ABCC6: variants seen among roughly 807,000 people sequenced by gnomAD.
ABCC6 encodes ATP-binding cassette sub-family C member 6.
In ABCC6, 126 loss-of-function variants were observed where a neutral mutation model predicts 169.5. That is an observed-to-expected ratio of 0.74 (90% confidence interval 0.64 to 0.86). The LOEUF (loss-of-function observed/expected upper bound fraction) is 0.86, where lower values mean the gene tolerates loss of function less well. ABCC6 is among the 40% of genes least tolerant of loss of function. The probability of loss-of-function intolerance (pLI) is 0.00; values close to 1 mark genes in which losing one functional copy is unlikely to be tolerated. For missense variants in ABCC6, 1,733 were observed against 1,927.2 expected (o/e 0.90, Z 1.89); for synonymous variants, 752 against 814.7 (o/e 0.92, Z 1.31).
chr16:16,188,026 G>T (rs1308212803), intron 13 of ABCC6, among the ~76,000 whole-genome samples: 1 of 151,880 alleles, frequency 6.6e-6, no homozygotes, highest in African/African-American at 2.4e-5. Context: ...GAGGTCGGGG[G>T]TTCAAGACCA....
rs1473161665 is a variant in ABCC6, at chr16:16,165,575, CT to C, written c.3306+47del. ...GTCTTCCCCAGAGACAGGGGACTGG[CT>C]GAGTTGACCTCAGCCGGTCCCGGAA... On this transcript the variant is annotated intron_variant, in intron 23 of 30. Coordinates refer to ENST00000205557, the MANE Select transcript of ABCC6 (RefSeq NM_001171.6). 3.7e-6 allele frequency: 6 copies of C among 1,605,534 alleles called. No individual in the cohort carries two copies. In the East Asian group the frequency reaches 1.3e-4, roughly 36 times the overall value.
At chr16:16,156,136 A>T (rs147094898) in intron 27 of ABCC6, among the ~76,000 whole-genome samples, 1,795 of 152,180 alleles carry the variant, frequency 0.012, 20 homozygotes, top group South Asian at 0.022. Context: ...GGCTGGTCTC[A>T]AACTTCTGGC....
chr16:16,177,919 G>T (rs1362929181), intron 18 of ABCC6, among the ~76,000 whole-genome samples: 1 of 151,078 alleles, frequency 6.6e-6, no homozygotes, highest in Non-Finnish European at 1.5e-5. Flanking sequence ...CTCCATCCTG[G>T]GTGACAGAGC....
At chr16:16,207,664 C>T (rs1270904005) in intron 7 of ABCC6, among the ~76,000 whole-genome samples, 1 of 152,194 alleles carries the variant, frequency 6.6e-6, no homozygotes, top group Non-Finnish European at 1.5e-5. Context: ...CTTTTTTGTT[C>T]TGTCTCCTAA....
chr16:16,173,386 A>G lies in ABCC6; in HGVS notation c.2685T>C (p.Pro895=), dbSNP rs760288790. 6.2e-7 allele frequency: 1 copy of G among 1,614,124 alleles called. No individual in the cohort carries two copies. Among genetic ancestry groups the G allele is most frequent in the Admixed American group, 1.7e-5 (1 of 60,022 alleles). Residue 895 remains proline, a synonymous_variant, in exon 21 of 31, where the codon CCT becomes CCC. Transcript: ENST00000205557. ...CTTCTGAAGTGGTACGGTCCTTCTC[A>G]GGGACTGACTTGATGGACCTGTCAT... ...LRRERSIKSV[P]EKDRTTSEAQ... is the part of the protein sequence containing the mutation.
chr16:16,198,072 C>A lies in ABCC6; in HGVS notation c.1287G>T (p.Gly429=). 2 of 1,614,122 alleles carry A rather than the reference C, an allele frequency of 1.2e-6. No homozygotes were observed. The highest frequency in any genetic ancestry group is 1.7e-6 in the Non-Finnish European group (2 of 1,180,028). ...RLTESVLYLN[G]LWLPLVWIVV... is the part of the protein sequence containing the mutation. Reference sequence around the variant, plus strand: ...CGATCCAGACGAGAGGCAGCCACAGCCCGTTGAGGTAGAGGACGCTCTCGG... The same window carrying A: ...CGATCCAGACGAGAGGCAGCCACAGACCGTTGAGGTAGAGGACGCTCTCGG... Residue 429 remains glycine (G), a synonymous_variant, in exon 10 of 31, where the codon GGG becomes GGT. Coordinates refer to ENST00000205557, the MANE Select transcript of ABCC6 (RefSeq NM_001171.6).
intron 2 of ABCC6, among the ~76,000 whole-genome samples, chr16:16,220,829 G>A (rs1596779030): frequency 1.3e-5 from 2 of 151,542 alleles, no homozygotes; most frequent in Admixed American, 6.6e-5. Context: ...CCCAGGAGGC[G>A]GAGGTTGCAG....
intron 27 of ABCC6, among the ~76,000 whole-genome samples, chr16:16,156,479 C>T (rs1214459760): frequency 2.6e-5 from 4 of 152,198 alleles, no homozygotes; most frequent in African/African-American, 9.7e-5. Flanking sequence ...AGCTGCTCCA[C>T]AATGTTGGCT....
At chr16:16,217,270 GT>G (rs1319326035) in intron 4 of ABCC6, among the ~76,000 whole-genome samples, 6 of 151,986 alleles carry the variant, frequency 3.9e-5, no homozygotes, top group Non-Finnish European at 5.9e-5. Context: ...AACTCCCACT[GT>G]TTTCCCCACT....
intron 20 of ABCC6, among the ~76,000 whole-genome samples, chr16:16,173,608 C>G (rs2047180012): frequency 6.6e-6 from 1 of 152,138 alleles, no homozygotes; most frequent in Non-Finnish European, 1.5e-5. Context: ...CATCTATTAC[C>G]CCAGGGTCAA....
rs763952084 is a variant in ABCC6, at chr16:16,182,600, C to T, written c.2071-12G>A. Reference sequence around the variant, plus strand: ...TAGGCCACAGCACCCTAAAACACAACTTACTTTGGTCACAGGAGGATGATG... The same window carrying T: ...TAGGCCACAGCACCCTAAAACACAATTTACTTTGGTCACAGGAGGATGATG... On this transcript the variant is annotated splice_polypyrimidine_tract_variant and intron_variant, in intron 16 of 30. Coordinates refer to ENST00000205557, the MANE Select transcript of ABCC6 (RefSeq NM_001171.6). 1.2e-5 allele frequency: 19 copies of T among 1,610,620 alleles called. 1 individual carries two copies. The South Asian group carries it at 2.1e-4, about 18-fold the overall frequency.
In ABCC6 at chr16:16,203,564, C is replaced by G. The variant is rs778756902; in HGVS notation, c.844G>C (p.Ala282Pro). Residue 282 changes from alanine to proline, a missense_variant, in exon 8 of 31, where the codon GCT (alanine) becomes CCT (proline). Physicochemically the swap from Ala to Pro is conservative, Grantham distance 27 (BLOSUM62 -1). This residue lies in a region of ABCC6 where 1,601 missense variants were observed against 1,635.5 expected (regional missense o/e 0.98). Coordinates refer to ENST00000205557, the MANE Select transcript of ABCC6 (RefSeq NM_001171.6). The part of the protein sequence containing the change: ...FKRKGGSGMK[A>P]PETEPFLRQE... ...CGTAGGAAGGGCTCGGTCTCTGGAGCCTTCATGCCACTGCCGCCTTTCCTT... is the reference window on the plus strand; with the variant it reads ...CGTAGGAAGGGCTCGGTCTCTGGAGGCTTCATGCCACTGCCGCCTTTCCTT... 4 of 1,613,916 alleles carry G rather than the reference C, an allele frequency of 2.5e-6. No individual in the cohort carries two copies. The African/African-American group carries it at 4.0e-5, about 16-fold the overall frequency.
At position 16,209,156 on chromosome 16, in the gene ABCC6, T is replaced by G. The variant is rs543632036; in HGVS notation, c.663-297A>C. Among the ~76,000 whole-genome samples the G allele has an allele frequency of 1.6e-4, 24 of 152,298 alleles. No homozygotes were observed. The East Asian group carries it at 4.4e-3, about 28-fold the overall frequency. On this transcript the variant is annotated intron_variant, in intron 6 of 30. Coordinates refer to ENST00000205557, the MANE Select transcript of ABCC6 (RefSeq NM_001171.6). Reference sequence around the variant, plus strand: ...TGGAGTGCAGTGGTGCAATCTCGGCTCACTGCAACCTCCACCTCCCAGGTT... The same window carrying G: ...TGGAGTGCAGTGGTGCAATCTCGGCGCACTGCAACCTCCACCTCCCAGGTT...
intron 18 of ABCC6, among the ~76,000 whole-genome samples, 177 bp downstream of exon 18, chr16:16,178,621 T>G (rs115516116): frequency 1.3e-5 from 2 of 152,128 alleles, no homozygotes; most frequent in African/African-American, 2.4e-5. Flanking sequence ...TGTTGTAAGC[T>G]GCTGGGATCT....
At chr16:16,192,606 C>T (rs2047898734) in intron 11 of ABCC6, among the ~76,000 whole-genome samples, 1 of 152,150 alleles carries the variant, frequency 6.6e-6, no homozygotes, top group South Asian at 2.1e-4. Context: ...AGGCATTGAA[C>T]TGACCCAGGG....
At chr16:16,222,594 G>A (rs572848501) in intron 1 of ABCC6, among the ~76,000 whole-genome samples, 2 of 151,916 alleles carry the variant, frequency 1.3e-5, no homozygotes, top group Non-Finnish European at 1.5e-5. Flanking sequence ...TCTCTATGCT[G>A]GTCTCGAACT....
In ABCC6 at chr16:16,169,495, C is replaced by T. The variant is rs148768881; in HGVS notation, c.2995+151G>A. 2.5e-3 allele frequency: 2,358 copies of T among 942,950 alleles called. 82 individuals are homozygous for T. The Admixed American group carries it at 0.045, about 18-fold the overall frequency. 58.4% of individuals were successfully genotyped at this position (942,950 alleles called of 1,614,324 possible). On this transcript the variant is annotated intron_variant, in intron 22 of 30. Transcript: ENST00000205557. ...TCCTTCCCGTTCCCTCCAGCCTCAT[C>T]TTAAGGACGCAGATCTTTGCCTGGA...
intron 14 of ABCC6, among the ~76,000 whole-genome samples, chr16:16,185,962 G>C (rs778143871): frequency 6.6e-6 from 1 of 152,192 alleles, no homozygotes; most frequent in Non-Finnish European, 1.5e-5. Flanking sequence ...ACAATTAGCT[G>C]CTATAACGAT....
chr16:16,219,665 C>T lies in ABCC6; in HGVS notation c.363G>A (p.Leu121=). Residue 121 remains leucine, a synonymous_variant, in exon 4 of 31, where the codon CTG becomes CTA. Coordinates refer to ENST00000205557, the MANE Select transcript of ABCC6 (RefSeq NM_001171.6). Reference sequence around the variant, plus strand: ...CTCCCTTTTTCCTCTCGGTGTGAATCAGGAACACTGCGAAGCTCTGGACGG... The same window carrying T: ...CTCCCTTTTTCCTCTCGGTGTGAATTAGGAACACTGCGAAGCTCTGGACGG... ...WLTTMSFAVF[L]IHTERKKGVQ... is the part of the protein sequence containing the mutation. The T allele has an allele frequency of 6.7e-7, 1 of 1,500,840 alleles. No individual in the cohort carries two copies. The highest frequency in any genetic ancestry group is 1.4e-5 in the African/African-American group (1 of 71,008). The allele number at this position is 1,500,840 out of a possible 1,614,324, so 93.0% of individuals were successfully genotyped here. A position where few individuals can be genotyped will look rare whatever the true frequency, so the allele number is the denominator to read the frequency against.
Sources: allele counts gnomAD v4.1 joint callset (sites outside exome capture counted in the v4.1 genomes callset), GRCh38; gene constraint gnomAD v4.1.1; regional missense constraint gnomAD v4.1.1; transcripts MANE v1.5; gene names NCBI Gene and HGNC (gene_info 2026-07-23, HGNC 2026-07-21).